MILR1: variants seen among roughly 807,000 people sequenced by gnomAD.
MILR1 encodes mast cell immunoglobulin like receptor 1.
Under a neutral mutation model 18.5 loss-of-function variants are expected in MILR1, and 31 were observed. The ratio of observed to expected loss-of-function variants is 1.68; its 90% CI spans 1.26 to 2.26. MILR1 has a LOEUF of 2.26. Among genes scored for constraint, MILR1 ranks in the 30% most tolerant of loss-of-function variants. The pLI is 0.00. For missense variants in MILR1, 257 were observed against 157.4 expected (o/e 1.63, Z -3.38); for synonymous variants, 85 against 56.2 (o/e 1.51, Z -2.30).
rs782438877 is a variant in MILR1 at position 64,466,443 on chromosome 17, G to A, written c.855G>A (p.Lys285=). 1 of 1,613,328 alleles carries A rather than the reference G, an allele frequency of 6.2e-7. No homozygotes were observed. The highest frequency in any genetic ancestry group is 8.5e-7 in the Non-Finnish European group (1 of 1,179,590). The change falls in exon 7 of 10, where the codon AAG becomes AAA. Residue 285 remains lysine, a splice_region_variant and synonymous_variant. Coordinates refer to ENST00000619286, the MANE Select transcript of MILR1 (RefSeq NM_001085423.2). ...ATTTATGTCATTCTCATTTTACAGA[G>A]GAGGAATCTGTGCCAGAAGTGGGAT... ...IYANILEKQA[K]EESVPEVGSR...
chr17:64,491,255 T>C, the MILR1 span, among the ~76,000 whole-genome samples: 3 of 152,128 alleles, frequency 2.0e-5, no homozygotes, highest in Non-Finnish European at 4.4e-5. Flanking sequence ...TGCCTCAGGA[T>C]TCAGAGTAGC....
At chr17:64,486,885 TAAAC>T in the MILR1 span, 3 of 152,238 alleles carry the variant, frequency 2.0e-5, no homozygotes, top group African/African-American at 4.8e-5. Context: ...TAAGTATTGA[TAAAC>T]AGACTTACTT....
chr17:64,449,772 AAAAAAATAAAACAAAAT>A (rs2037124188), intron 2 of MILR1, among the ~76,000 whole-genome samples: 1 of 151,958 alleles, frequency 6.6e-6, no homozygotes. Context: ...CTCGTTTCTT[AAAAAAATAAAACAAAAT>A]AAAAAAACCC....
At chr17:64,486,137 C>A in the MILR1 span, among the ~76,000 whole-genome samples, 1 of 152,144 alleles carries the variant, frequency 6.6e-6, no homozygotes. Flanking sequence ...AGGCACTGGG[C>A]CCACGAAGAC....
At chr17:64,489,239 T>C in the MILR1 span, among the ~76,000 whole-genome samples, 1 of 150,576 alleles carries the variant, frequency 6.6e-6, no homozygotes, top group Non-Finnish European at 1.5e-5. Context: ...TAACACACTG[T>C]AACCCCCTGA....
At chr17:64,468,749 C>T, downstream of MILR1, 1 of 476,854 alleles carries the variant, frequency 2.1e-6, no homozygotes, top group Non-Finnish European at 2.7e-6. Flanking sequence ...ATAATGTCAG[C>T]CACATGGGCA....
At chr17:64,467,698 C>T (rs1200086345) in intron 9 of MILR1, 53 bp downstream of exon 9, 1 of 1,126,276 alleles carries the variant, frequency 8.9e-7, no homozygotes, top group African/African-American at 1.6e-5. Context: ...AAACTTGAGG[C>T]TGAGGCAGGT....
chr17:64,495,949 T>C, the MILR1 span, among the ~76,000 whole-genome samples: 1 of 152,202 alleles, frequency 6.6e-6, no homozygotes, highest in Non-Finnish European at 1.5e-5. Flanking sequence ...CCTCAGGTGA[T>C]CCACCCGCCT....
chr17:64,460,045 T>C (rs1376393772), intron 4 of MILR1, among the ~76,000 whole-genome samples: 1 of 135,292 alleles, frequency 7.4e-6, no homozygotes, highest in Non-Finnish European at 1.6e-5. Context: ...TATTTATTTA[T>C]TTGAGATGGA....
At chr17:64,476,220 T>TA in the MILR1 span, among the ~76,000 whole-genome samples, 1 of 152,136 alleles carries the variant, frequency 6.6e-6, no homozygotes, top group Admixed American at 6.5e-5. Context: ...AGGATTTTTT[T>TA]AAAAAGAAAA....
the MILR1 span, among the ~76,000 whole-genome samples, chr17:64,492,214 G>T: frequency 6.6e-6 from 1 of 152,152 alleles, no homozygotes; most frequent in Non-Finnish European, 1.5e-5. Context: ...ATTTGGGGAT[G>T]TTTGAGTCGG....
chr17:64,455,108 C>T (rs2037260174), intron 3 of MILR1, among the ~76,000 whole-genome samples: 1 of 152,140 alleles, frequency 6.6e-6, no homozygotes, highest in Non-Finnish European at 1.5e-5. Context: ...TACTGGAATA[C>T]GATGGATATG....
the MILR1 span, chr17:64,477,882 G>A: frequency 6.2e-7 from 1 of 1,613,122 alleles, no homozygotes; most frequent in African/African-American, 1.3e-5. Flanking sequence ...TTGGATATAT[G>A]CATCATTTCC....
the MILR1 span, among the ~76,000 whole-genome samples, chr17:64,474,889 G>A: frequency 2.0e-5 from 3 of 152,058 alleles, no homozygotes; most frequent in Non-Finnish European, 2.9e-5. Context: ...GACTAGTAAG[G>A]TGTGTCAAAA....
chr17:64,453,072 C>CT (rs200977748), intron 3 of MILR1, among the ~76,000 whole-genome samples: 7,597 of 141,028 alleles, frequency 0.054, 690 homozygotes, highest in African/African-American at 0.18. Flanking sequence ...GATCTCTATT[C>CT]TTTTTTTTTT....
At chr17:64,471,035 A>T (rs2037680540), downstream of MILR1, among the ~76,000 whole-genome samples, 1 of 152,018 alleles carries the variant, frequency 6.6e-6, no homozygotes, top group Non-Finnish European at 1.5e-5. Context: ...CCAGCAAGGG[A>T]GTCCTTGTTG....
chr17:64,497,147 G>C, the MILR1 span: 3 of 682,166 alleles, frequency 4.4e-6, no homozygotes, highest in Non-Finnish European at 7.8e-6. Context: ...GCCGTCCCCC[G>C]CCCACCATGG....
chr17:64,492,221 T>A, the MILR1 span, among the ~76,000 whole-genome samples: 4 of 152,142 alleles, frequency 2.6e-5, no homozygotes, highest in African/African-American at 4.8e-5. Flanking sequence ...GATGTTTGAG[T>A]CGGGAAATGG....
chr17:64,452,992 T>C (rs2037208698), intron 3 of MILR1, 126 bp downstream of exon 3: 1 of 410,384 alleles, frequency 2.4e-6, no homozygotes, highest in South Asian at 1.4e-4. Context: ...CGAGCTTTAT[T>C]CTTTTTTTAT....
Sources: gnomAD v4.1 joint callset for allele counts (sites outside exome capture counted in the v4.1 genomes callset) on GRCh38, gnomAD v4.1.1 for gene constraint, MANE v1.5 for transcripts, NCBI Gene and HGNC (gene_info 2026-07-23, HGNC 2026-07-21) for gene names.